UBE4B: variants seen among roughly 807,000 people sequenced by gnomAD.
UBE4B encodes the protein ubiquitin conjugation factor E4 B.
UBE4B carries 27 observed loss-of-function variants against 148.1 expected under a neutral mutation model. The ratio of observed to expected loss-of-function variants is 0.18; its 90% confidence interval spans 0.13 to 0.25. UBE4B has a LOEUF of 0.25. UBE4B is among the 10% of genes least tolerant of loss of function. UBE4B has a pLI of 1.00. For missense variants in UBE4B, 1,170 were observed against 1,662.4 expected, an observed-to-expected ratio of 0.70 and a Z score of 5.15; for synonymous variants, 596 against 619.3, an observed-to-expected ratio of 0.96 and a Z score of 0.56.
chr1:10,068,145 C>T (rs1246840529), intron 1 of UBE4B, among the ~76,000 whole-genome samples: 1 of 151,578 alleles, frequency 6.6e-6, no homozygotes, highest in Non-Finnish European at 1.5e-5. Flanking sequence ...TCTCCTGCCT[C>T]AGCCTCCCAA....
At chr1:10,178,850 C>A in intron 26 of UBE4B, 32 bp downstream of exon 26, 1 of 1,554,390 alleles carries the variant, frequency 6.4e-7, no homozygotes, top group Non-Finnish European at 8.7e-7. Flanking sequence ...ATGCTGATTT[C>A]TTTTGAGTTA....
rs537512140 is a variant in UBE4B at position 10,175,452 on chromosome 1, C to A, written c.3526-3192C>A. 7.9e-5 allele frequency among the ~76,000 whole-genome samples: 12 copies of A among 151,378 alleles called. 1 individual carries two copies. Among genetic ancestry groups the A allele is most frequent in the Non-Finnish European group, 1.3e-4 (9 of 67,932 alleles). ...GGATCACAAGGTCAGGAGATCGAGA[C>A]CGTCCTGGCTAACACGGTGAAACCC... On this transcript the variant is annotated intron_variant, in intron 25 of 27. Transcript: ENST00000343090.
At chr1:10,093,737 C>T (rs1373579817) in intron 2 of UBE4B, among the ~76,000 whole-genome samples, 3 of 151,506 alleles carry the variant, frequency 2.0e-5, no homozygotes, top group Non-Finnish European at 4.4e-5. Context: ...CTCTGTCACC[C>T]AGGCTGCAGG....
chr1:10,121,246 C>T (rs1645404679), intron 9 of UBE4B, among the ~76,000 whole-genome samples: 1 of 151,872 alleles, frequency 6.6e-6, no homozygotes, highest in South Asian at 2.1e-4. Flanking sequence ...GTCCCAGCTA[C>T]TTGGGAGGCT....
At chr1:10,055,790 C>T (rs1340611868) in intron 1 of UBE4B, among the ~76,000 whole-genome samples, 1 of 152,036 alleles carries the variant, frequency 6.6e-6, no homozygotes, top group Non-Finnish European at 1.5e-5. Context: ...TGTGGTAGCA[C>T]GTGCCCGTAG....
chr1:10,140,959 A>G (rs1645773731), intron 17 of UBE4B, among the ~76,000 whole-genome samples: 1 of 152,216 alleles, frequency 6.6e-6, no homozygotes. Flanking sequence ...AGTTGGTTGC[A>G]TAATATGAAC....
intron 1 of UBE4B, among the ~76,000 whole-genome samples, chr1:10,045,249 G>T (rs1312706900): frequency 6.6e-6 from 1 of 152,212 alleles, no homozygotes; most frequent in Non-Finnish European, 1.5e-5. Flanking sequence ...TGGCCCAGGG[G>T]TTGGGGACCC....
intron 25 of UBE4B, 127 bp from the exon 26 acceptor site, chr1:10,178,517 A>T (rs1646460460): frequency 1.2e-6 from 1 of 851,302 alleles, no homozygotes; most frequent in East Asian, 2.8e-5. Context: ...ATAAGTGTAT[A>T]TATAATTTTA....
chr1:10,151,666 AC>A lies in UBE4B; in HGVS notation c.2926+107del, dbSNP rs1232032630. Reference sequence around the variant, plus strand: ...TAAGCCTGTTACCTAATATCCTGCTACCTGTGTGTATAGCCTACTAACCTGT... The same window carrying A: ...TAAGCCTGTTACCTAATATCCTGCTACTGTGTGTATAGCCTACTAACCTGT... On this transcript the variant is annotated intron_variant, in intron 21 of 27. Transcript: ENST00000343090. The A allele has an allele frequency of 7.3e-6, 7 of 962,704 alleles. No individual in the cohort carries two copies. The African/African-American group carries it at 1.1e-4, about 16-fold the overall frequency. The allele number at this position is 962,704 out of a possible 1,614,324, so 59.6% of individuals were successfully genotyped here.
chr1:10,154,446 G>T (rs1397606031), intron 21 of UBE4B, among the ~76,000 whole-genome samples: 1 of 152,084 alleles, frequency 6.6e-6, no homozygotes, highest in Non-Finnish European at 1.5e-5. Context: ...TCTGACATAA[G>T]AATTTAATTT....
chr1:10,033,612 C>A lies in UBE4B; in HGVS notation c.-59C>A. 6.8e-7 allele frequency: 1 copy of A among 1,461,736 alleles called. No homozygotes were observed. The highest frequency in any genetic ancestry group is 1.4e-5 in the South Asian group (1 of 69,684). 90.5% of individuals were successfully genotyped at this position (1,461,736 alleles called of 1,614,324 possible). A position where few individuals can be genotyped will look rare whatever the true frequency, so the allele number is the denominator to read the frequency against. On this transcript the variant is annotated 5_prime_UTR_variant, in exon 1 of 28. Coordinates refer to ENST00000343090, the MANE Select transcript of UBE4B (RefSeq NM_001105562.3). ...CACCTTCCACTCTCCTTCCTCCCGCCGTGGTCTCGAGAACAGAAGGATCTC... is the reference window on the plus strand; with the variant it reads ...CACCTTCCACTCTCCTTCCTCCCGCAGTGGTCTCGAGAACAGAAGGATCTC...
chr1:10,052,445 T>G (rs942598737), intron 1 of UBE4B, among the ~76,000 whole-genome samples: 4 of 152,188 alleles, frequency 2.6e-5, no homozygotes, highest in Non-Finnish European at 5.9e-5. Flanking sequence ...TTTTGGGAAT[T>G]GAACTTCTAA....
At chr1:10,159,704 T>A (rs796261949) in intron 22 of UBE4B, among the ~76,000 whole-genome samples, 24 of 152,220 alleles carry the variant, frequency 1.6e-4, no homozygotes, top group African/African-American at 5.5e-4. Context: ...AATAAATAAA[T>A]AAAAATTTTA....
In UBE4B at chr1:10,167,441, A is replaced by T. The variant is rs868436900; in HGVS notation, c.3199-695A>T. On this transcript the variant is annotated intron_variant, in intron 23 of 27. Coordinates refer to ENST00000343090, the MANE Select transcript of UBE4B (RefSeq NM_001105562.3). ...GCAACAAGCGAAACTCCGTCTCAAA[A>T]AATAATAATAATAATAATAATAATA... 1.3e-3 allele frequency among the ~76,000 whole-genome samples: 198 copies of T among 147,188 alleles called. 1 individual carries two copies. The highest frequency in any genetic ancestry group is 4.1e-3 in the African/African-American group (162 of 39,536).
chr1:10,107,576 C>CTT (rs60975850), intron 7 of UBE4B, among the ~76,000 whole-genome samples: 16 of 128,258 alleles, frequency 1.2e-4, no homozygotes, highest in Non-Finnish European at 1.8e-4. Flanking sequence ...TTCTTTCTTT[C>CTT]TTTTTTTTTT....
At chr1:10,145,062 A>T (rs778603092) in intron 18 of UBE4B, 23 bp downstream of exon 18, 1 of 1,581,228 alleles carries the variant, frequency 6.3e-7, no homozygotes, top group Non-Finnish European at 8.7e-7. Context: ...AAGTGGAATA[A>T]TTATAGACCA....
chr1:10,055,270 C>T (rs778720798), intron 1 of UBE4B, among the ~76,000 whole-genome samples: 1 of 150,712 alleles, frequency 6.6e-6, no homozygotes, highest in African/African-American at 2.5e-5. Context: ...ACCTTTTCAT[C>T]ATTTTTTCTT....
chr1:10,172,451 G>GT (rs1234798232), intron 25 of UBE4B, among the ~76,000 whole-genome samples: 4 of 152,198 alleles, frequency 2.6e-5, no homozygotes, highest in Non-Finnish European at 5.9e-5. Context: ...AGGTCACAGA[G>GT]TTAGTGTGGG....
At chr1:10,040,470 C>G (rs1385591796) in intron 1 of UBE4B, among the ~76,000 whole-genome samples, 1 of 151,870 alleles carries the variant, frequency 6.6e-6, no homozygotes. Flanking sequence ...AGGCTGGTCT[C>G]AAACTCCTGG....
Sources: allele counts gnomAD v4.1 joint callset (sites outside exome capture counted in the v4.1 genomes callset), GRCh38; gene constraint gnomAD v4.1.1; transcripts MANE v1.5; gene names NCBI Gene and HGNC (gene_info 2026-07-23, HGNC 2026-07-21).